PATJ: variants seen among roughly 807,000 people sequenced by gnomAD.
PATJ encodes the protein PATJ crumbs cell polarity complex component.
A neutral mutation model predicts 224.9 loss-of-function variants in PATJ; 190 were observed. The ratio of observed to expected loss-of-function variants is 0.84; its 90% confidence interval spans 0.75 to 0.95. The LOEUF (loss-of-function observed/expected upper bound fraction) is 0.95, where lower values mean the gene tolerates loss of function less well. PATJ is among the 40% of genes least tolerant of loss of function. The pLI is 0.00. For missense variants in PATJ, 2,121 were observed against 2,270.3 expected (o/e 0.93, Z 1.34); for synonymous variants, 769 against 820.3 (o/e 0.94, Z 1.07).
intron 27 of PATJ, among the ~76,000 whole-genome samples, chr1:61,985,073 G>A (rs1644671378): frequency 6.6e-6 from 1 of 152,048 alleles, no homozygotes; most frequent in African/African-American, 2.4e-5. Flanking sequence ...CAGCACTTTG[G>A]GAGGCCGTTG....
intron 27 of PATJ, among the ~76,000 whole-genome samples, chr1:61,989,213 G>A (rs1644929900): frequency 1.3e-5 from 2 of 152,128 alleles, no homozygotes; most frequent in Non-Finnish European, 2.9e-5. Flanking sequence ...GACAGAAGAT[G>A]GAATAAGAGA....
intron 26 of PATJ, among the ~76,000 whole-genome samples, chr1:61,924,192 A>AC (rs1477056804): frequency 6.6e-6 from 1 of 151,820 alleles, no homozygotes; most frequent in Non-Finnish European, 1.5e-5. Flanking sequence ...ACATGGTGAA[A>AC]CCCCGTCTCT....
chr1:61,991,138 A>G (rs1410755966), intron 28 of PATJ, among the ~76,000 whole-genome samples: 1 of 152,194 alleles, frequency 6.6e-6, no homozygotes, highest in Admixed American at 6.5e-5. Context: ...CTAGAAGAAG[A>G]AAACAGACGT....
intron 27 of PATJ, among the ~76,000 whole-genome samples, chr1:61,960,639 G>A (rs1181368473): frequency 6.6e-6 from 1 of 151,068 alleles, no homozygotes; most frequent in Non-Finnish European, 1.5e-5. Context: ...CTCCAGCCTG[G>A]GCAACAAAAG....
chr1:61,790,222 A>AG (rs554033080), intron 8 of PATJ, among the ~76,000 whole-genome samples: 47 of 150,900 alleles, frequency 3.1e-4, no homozygotes, highest in South Asian at 1.0e-3. Flanking sequence ...AAAAAAAAAA[A>AG]AAGAAGAAGA....
Position 62,013,028 on chromosome 1 carries a change from G to A in PATJ, c.3868-4828G>A, listed in dbSNP as rs1220274146. Among the ~76,000 whole-genome samples, 9 of 152,196 alleles carry A rather than the reference G, an allele frequency of 5.9e-5. No individual in the cohort carries two copies. In the East Asian group the frequency reaches 1.7e-3, roughly 29 times the overall value. On this transcript the variant is annotated intron_variant, in intron 28 of 43. Transcript: ENST00000642238. Reference sequence around the variant, plus strand: ...GCAGCTGCCTTAGCCATAAACACCCGTATTGGCACTGGAAAAAACATCAAC... The same window carrying A: ...GCAGCTGCCTTAGCCATAAACACCCATATTGGCACTGGAAAAAACATCAAC...
Position 61,795,547 on chromosome 1 carries a change from A to C in PATJ, c.1249A>C (p.Lys417Gln), listed in dbSNP as rs769970066. Residue 417 changes from lysine to glutamine, a missense_variant, in exon 10 of 44, where the codon AAA becomes CAA. Transcript: ENST00000642238. Reference protein sequence around the residue: ...YHNGHIQVNDKIVAVDGVNIQ... With the variant: ...YHNGHIQVNDQIVAVDGVNIQ... ...CAATGGCCACATTCAAGTGAATGACAAAATAGTTGCTGTAAGTAACTCGCC... is the reference window on the plus strand; with the variant it reads ...CAATGGCCACATTCAAGTGAATGACCAAATAGTTGCTGTAAGTAACTCGCC... 6.2e-7 allele frequency: 1 copy of C among 1,604,784 alleles called. No homozygotes were observed.
chr1:61,945,223 A>G (rs1021186927), intron 27 of PATJ, among the ~76,000 whole-genome samples: 2 of 152,202 alleles, frequency 1.3e-5, no homozygotes, highest in Non-Finnish European at 2.9e-5. Flanking sequence ...TTCACACATA[A>G]CAATATTAAC....
intron 26 of PATJ, among the ~76,000 whole-genome samples, chr1:61,926,228 A>G (rs943473996): frequency 4.6e-5 from 7 of 152,152 alleles, no homozygotes; most frequent in Non-Finnish European, 4.4e-5. Context: ...TGCCTTTGCC[A>G]CATCTGGGGA....
Position 61,884,399 on chromosome 1 carries a change from C to G in PATJ, c.3122C>G (p.Thr1041Ser). 1 of 1,590,372 alleles carries G rather than the reference C, an allele frequency of 6.3e-7. No homozygotes were observed. The highest frequency in any genetic ancestry group is 8.6e-7 in the Non-Finnish European group (1 of 1,168,254). The change falls in exon 22 of 44, where the codon ACT becomes AGT. Residue 1041 changes from threonine (T) to serine (S), a missense_variant. Coordinates refer to ENST00000642238, the MANE Select transcript of PATJ (RefSeq NM_001350145.3). ...YTGMLSSRYA[T>S]DTCELPEREE... is the part of the protein sequence containing the mutation. ...GGAATGTTGTCTTCTAGATATGCCACTGATACATGGTATGATATCATTTCT... is the reference window on the plus strand; with the variant it reads ...GGAATGTTGTCTTCTAGATATGCCAGTGATACATGGTATGATATCATTTCT...
rs376221952 is a variant in PATJ, at chr1:62,105,584, G to A, written c.4378-2853G>A. ...AATCATTCCCCTGAAACAGTTCAGA[G>A]AAACAAACTCTTAGCAGTGTAAACA... On this transcript the variant is annotated intron_variant, in intron 33 of 43. Transcript: ENST00000642238. 1.1e-4 allele frequency among the ~76,000 whole-genome samples: 17 copies of A among 152,224 alleles called. 1 individual carries two copies. The South Asian group carries it at 3.3e-3, about 30-fold the overall frequency.
intron 27 of PATJ, among the ~76,000 whole-genome samples, chr1:61,946,794 T>C (rs1678791962): frequency 6.6e-6 from 1 of 152,190 alleles, no homozygotes; most frequent in Non-Finnish European, 1.5e-5. Context: ...ATATCCCTGA[T>C]GAACATCGAT....
chr1:61,928,692 T>A (rs1476341208), intron 27 of PATJ, among the ~76,000 whole-genome samples: 1 of 152,068 alleles, frequency 6.6e-6, no homozygotes, highest in East Asian at 1.9e-4. Flanking sequence ...AATAAAGCAA[T>A]AAAGCCTTTA....
intron 31 of PATJ, among the ~76,000 whole-genome samples, chr1:62,069,043 C>T (rs572624587): frequency 3.6e-4 from 55 of 152,262 alleles, no homozygotes; most frequent in African/African-American, 5.1e-4. Context: ...TGAAGGAAAG[C>T]GACCCAAGGT....
intron 6 of PATJ, among the ~76,000 whole-genome samples, chr1:61,771,845 G>A (rs898817581): frequency 3.3e-5 from 5 of 151,360 alleles, no homozygotes; most frequent in African/African-American, 1.2e-4. Context: ...TCAGCCTCCC[G>A]AGTAGCTGGG....
intron 27 of PATJ, among the ~76,000 whole-genome samples, chr1:61,959,432 T>A (rs796566033): frequency 0.46 from 53,906 of 117,668 alleles, 11,770 homozygotes; most frequent in East Asian, 0.77. Context: ...TATATTTTTT[T>A]TCTTTTCTTT....
At chr1:62,008,907 T>C (rs1646261642) in intron 28 of PATJ, among the ~76,000 whole-genome samples, 1 of 152,124 alleles carries the variant, frequency 6.6e-6, no homozygotes, top group Non-Finnish European at 1.5e-5. Context: ...AAGCATCAAA[T>C]CAGGAATAAA....
chr1:61,875,495 ATAAT>A (rs1376368900), intron 21 of PATJ, 129 bp downstream of exon 21: 17 of 659,276 alleles, frequency 2.6e-5, no homozygotes, highest in African/African-American at 1.1e-4. Context: ...TGTCTGCTTA[ATAAT>A]TAATCTGCTT....
chr1:62,138,928 T>C (rs888890963), intron 41 of PATJ, among the ~76,000 whole-genome samples: 2 of 151,948 alleles, frequency 1.3e-5, no homozygotes, highest in Non-Finnish European at 2.9e-5. Flanking sequence ...CCTTCCCCTC[T>C]CCTCTATCCA....
Sources: allele counts gnomAD v4.1 joint callset (sites outside exome capture counted in the v4.1 genomes callset), GRCh38; gene constraint gnomAD v4.1.1; transcripts MANE v1.5; gene names NCBI Gene and HGNC (gene_info 2026-07-23, HGNC 2026-07-21).